Variants in ABR observed in about 807,000 individuals in gnomAD.
ABR encodes active breakpoint cluster region-related protein.
In ABR, 35 loss-of-function variants were observed where a neutral mutation model predicts 107.2. The ratio of observed to expected loss-of-function variants is 0.33; its 90% CI spans 0.25 to 0.43. The LOEUF is 0.43. ABR is among the 20% of genes least tolerant of loss of function. The pLI is 1.00. For missense variants in ABR, 815 were observed against 1,115.2 expected (o/e 0.73, Z 3.83); for synonymous variants, 498 against 462.0 (o/e 1.08, Z -1.00).
Position 1,153,305 on chromosome 17 carries a change from A to T in ABR, c.61+26362T>A, listed in dbSNP as rs1303154013. Among the ~76,000 whole-genome samples the T allele has an allele frequency of 2.6e-5, 4 of 152,178 alleles. No homozygotes were observed. The East Asian group carries it at 7.7e-4, about 29-fold the overall frequency. On this transcript the variant is annotated intron_variant, in intron 1 of 22. Transcript: ENST00000302538. ...CCTGTGTCCCTCAGTCATACCCCCC[A>T]GCCTGGCCAATGCCCAGATGGCTTT...
At chr17:1,022,988 T>TGCCCCACGTCCGCTCCAGAGCCTCTGCCG (rs2071816125) in intron 16 of ABR, among the ~76,000 whole-genome samples, 1 of 145,514 alleles carries the variant, frequency 6.9e-6, no homozygotes, top group Non-Finnish European at 1.5e-5. Flanking sequence ...CACCTCTGCC[T>TGCCCCACGTCCGCTCCAGAGCCTCTGCCG]GCCCCACGTC....
At chr17:1,028,813 G>A (rs1039624365) in intron 16 of ABR, among the ~76,000 whole-genome samples, 1 of 152,222 alleles carries the variant, frequency 6.6e-6, no homozygotes, top group Non-Finnish European at 1.5e-5. Context: ...GTCTGGGTCA[G>A]GAGCGTCTTG....
intron 4 of ABR, among the ~76,000 whole-genome samples, chr17:1,088,357 A>G (rs914596766): frequency 6.6e-6 from 1 of 152,044 alleles, no homozygotes; most frequent in South Asian, 2.1e-4. Context: ...ACAGGTGTTC[A>G]CCATCCCTGA....
intron 1 of ABR, among the ~76,000 whole-genome samples, chr17:1,161,216 TG>T: frequency 6.6e-6 from 1 of 151,412 alleles, no homozygotes; most frequent in Middle Eastern, 3.4e-3. Context: ...GGGAAGGTTT[TG>T]TTGGAAATCC....
chr17:1,066,528 C>G (rs150623481), intron 10 of ABR, among the ~76,000 whole-genome samples: 1 of 151,944 alleles, frequency 6.6e-6, no homozygotes, highest in Non-Finnish European at 1.5e-5. Context: ...CCCTCTACCT[C>G]CACTTTTTTT....
intron 1 of ABR, among the ~76,000 whole-genome samples, chr17:1,193,278 C>G (rs575697115): frequency 2.0e-5 from 3 of 150,598 alleles, no homozygotes; most frequent in South Asian, 2.1e-4. Context: ...CCCCCTCCCC[C>G]TCAATACCCA....
chr17:1,077,859 C>T (rs1482269020), intron 6 of ABR, among the ~76,000 whole-genome samples: 2 of 152,190 alleles, frequency 1.3e-5, no homozygotes, highest in Admixed American at 6.5e-5. Context: ...CCAGAGCAGC[C>T]GGCCTGGGAG....
chr17:1,202,135 CAG>C (rs1401732325), intron 1 of ABR, among the ~76,000 whole-genome samples: 4 of 152,014 alleles, frequency 2.6e-5, no homozygotes, highest in Non-Finnish European at 5.9e-5. Flanking sequence ...TTTTTCGAAA[CAG>C]AGTCTGGCTC....
chr17:1,011,874 G>C lies in ABR; in HGVS notation c.2073C>G (p.Ile691Met). Residue 691 changes from isoleucine (I) to methionine (M), a missense_variant, in exon 19 of 23, where the codon ATC becomes ATG. By Grantham distance (10) the Ile-to-Met change is conservative (BLOSUM62 1). Transcript: ENST00000302538. This position sits in a 1 kb window ranked among gnomAD's most constrained non-coding sequence, Gnocchi z 4.8. ...IYRISGVATD[I>M]QALKAVFDAN... Reference sequence around the variant, plus strand: ...CATCGAAGACGGCCTTGAGCGCCTGGATGTCCGTGGCCACGCCCGATATCC... The same window carrying C: ...CATCGAAGACGGCCTTGAGCGCCTGCATGTCCGTGGCCACGCCCGATATCC... The C allele has an allele frequency of 6.3e-7, 1 of 1,595,742 alleles. No individual in the cohort carries two copies. Among genetic ancestry groups the C allele is most frequent in the African/African-American group, 1.3e-5 (1 of 74,742 alleles).
Position 1,015,273 on chromosome 17 carries a change from C to A in ABR, c.1792-2109G>T, listed in dbSNP as rs192113712. ...CTCTACTAAAAATACAAAAGTGAGC[C>A]GGGTGTGGTGGCGGGCACTGTAGTC... On this transcript the variant is annotated intron_variant, in intron 16 of 22. Coordinates refer to ENST00000302538, the MANE Select transcript of ABR (RefSeq NM_021962.5). Among the ~76,000 whole-genome samples, 8 of 151,648 alleles carry A rather than the reference C, an allele frequency of 5.3e-5. No individual in the cohort carries two copies. In the South Asian group the frequency reaches 1.7e-3, roughly 32 times the overall value.
At chr17:1,099,737 G>A (rs2037737996) in intron 3 of ABR, among the ~76,000 whole-genome samples, 1 of 152,172 alleles carries the variant, frequency 6.6e-6, no homozygotes, top group Non-Finnish European at 1.5e-5. Flanking sequence ...CTCCCAATCA[G>A]ACTCTCACAA....
At chr17:1,135,621 A>G (rs113077460) in intron 1 of ABR, among the ~76,000 whole-genome samples, 7 of 152,236 alleles carry the variant, frequency 4.6e-5, no homozygotes, top group African/African-American at 1.7e-4. Flanking sequence ...CACACCTGTA[A>G]TCCCAGCACT....
intron 20 of ABR, 55 bp from the exon 21 acceptor site, chr17:1,009,839 C>G: frequency 6.7e-7 from 1 of 1,497,380 alleles, no homozygotes; most frequent in Non-Finnish European, 9.3e-7. Context: ...CCCGCCAGGG[C>G]CCCTGTGGTC....
intron 4 of ABR, among the ~76,000 whole-genome samples, chr17:1,085,601 T>C (rs1370845624): frequency 6.6e-6 from 1 of 152,058 alleles, no homozygotes; most frequent in Admixed American, 6.6e-5. Flanking sequence ...TGCAGAGCCG[T>C]ATCGTTCAGT....
chr17:1,051,564 C>A lies in ABR; in HGVS notation c.1562-930G>T, dbSNP rs190022367. The stretch of plus-strand genomic sequence containing the variant: ...CCCAGGCCCTCTGCAAACCCACACC[C>A]GCCCTGGGCTCGGACCCCAGCAGTC... On this transcript the variant is annotated intron_variant, in intron 14 of 22. Coordinates refer to ENST00000302538, the MANE Select transcript of ABR (RefSeq NM_021962.5). The surrounding 1 kb of genome is among the most constrained non-coding windows in gnomAD (Gnocchi z 4.3). 1.3e-5 allele frequency among the ~76,000 whole-genome samples: 2 copies of A among 152,216 alleles called. No individual in the cohort carries two copies. The highest frequency in any genetic ancestry group is 2.9e-5 in the Non-Finnish European group (2 of 68,036).
In ABR at chr17:1,023,110, ACGTCCACTACAGCGCCT is replaced by A. The variant is rs1567594513; in HGVS notation, c.1792-9963_1792-9947del. ...CCACTGCAGAGCCTCTGCCGGCCCC[ACGTCCACTACAGCGCCT>A]CTGCCGGCCCCACGTCCACTCCAGC... On this transcript the variant is annotated intron_variant, in intron 16 of 22. Transcript: ENST00000302538. Among the ~76,000 whole-genome samples the A allele has an allele frequency of 4.7e-3, 688 of 147,648 alleles. 6 individuals are homozygous for A. The highest frequency in any genetic ancestry group is 0.015 in the African/African-American group (598 of 39,252).
rs1009673339 is a variant in ABR, at chr17:1,148,561, G to A, written c.62-23194C>T. ...GGAGGTGAGTGGTGGGTGAGCAAGC[G>A]TCACCCCCTGAACCCCACTTCCCAT... On this transcript the variant is annotated intron_variant, in intron 1 of 22. Transcript: ENST00000302538. This position sits in a 1 kb window ranked among gnomAD's most constrained non-coding sequence, Gnocchi z 4.9. Among the ~76,000 whole-genome samples, 10 of 152,196 alleles carry A rather than the reference G, an allele frequency of 6.6e-5. No individual in the cohort carries two copies. The highest frequency in any genetic ancestry group is 1.9e-4 in the African/African-American group (8 of 41,446).
upstream of ABR, among the ~76,000 whole-genome samples, chr17:1,180,227 C>T (rs1398267873): frequency 1.3e-5 from 2 of 152,042 alleles, no homozygotes; most frequent in Non-Finnish European, 2.9e-5. Flanking sequence ...GTCCCCCCCG[C>T]GCCGGGCTCA....
rs768972467 is a variant in ABR at position 1,091,858 on chromosome 17, A to G, written c.346-8T>C. ...CTTCAGGGGTTTCATGGGCTGGGAGAAACAGAGGAAGAAAGAGCAGAGGTC... is the reference window on the plus strand; with the variant it reads ...CTTCAGGGGTTTCATGGGCTGGGAGGAACAGAGGAAGAAAGAGCAGAGGTC... On this transcript the variant is annotated splice_region_variant and splice_polypyrimidine_tract_variant and intron_variant, in intron 3 of 22. Coordinates refer to ENST00000302538, the MANE Select transcript of ABR (RefSeq NM_021962.5). 12 of 1,610,262 alleles carry G rather than the reference A, an allele frequency of 7.5e-6. No homozygotes were observed. The East Asian group carries it at 2.5e-4, about 33-fold the overall frequency.
Sources: gnomAD v4.1 joint callset for allele counts (sites outside exome capture counted in the v4.1 genomes callset) on GRCh38, gnomAD v4.1.1 for gene constraint, Gnocchi (gnomAD v3.1) non-coding constraint, MANE v1.5 for transcripts, NCBI Gene and HGNC (gene_info 2026-07-23, HGNC 2026-07-21) for gene names.